Variants in FRMD8 observed in about 807,000 individuals in gnomAD.
FRMD8 encodes the protein FERM domain-containing protein 8.
Under a neutral mutation model 54.2 loss-of-function variants are expected in FRMD8, and 37 were observed. That is an observed-to-expected ratio of 0.68 (90% confidence interval 0.53 to 0.90). The LOEUF (loss-of-function observed/expected upper bound fraction) is 0.90. Among genes scored for constraint, FRMD8 ranks in the 40% least tolerant of loss-of-function variants. The pLI is 0.00. For missense variants in FRMD8, 585 were observed against 653.7 expected (o/e 0.89, Z 1.15); for synonymous variants, 246 against 286.9 (o/e 0.86, Z 1.44).
At chr11:65,405,122 A>AC (rs1205203135) in intron 10 of FRMD8, 54 bp downstream of exon 10, 67 of 1,545,070 alleles carry the variant, frequency 4.3e-5, no homozygotes, top group Non-Finnish European at 5.9e-5. Context: ...GCGTGCACAC[A>AC]CCGGGGGGAG....
At chr11:65,377,213 C>G in the FRMD8 span, 50 of 1,443,916 alleles carry the variant, frequency 3.5e-5, no homozygotes, top group African/African-American at 6.7e-4. Flanking sequence ...CCCAGCCTCT[C>G]ACGTGCATGT....
rs1590665277 is a variant in FRMD8, at chr11:65,412,994, T to A, written c.*1634T>A. The A allele has an allele frequency of 6.6e-6, 1 of 152,170 alleles. No individual in the cohort carries two copies. The highest frequency in any genetic ancestry group is 1.5e-5 in the Non-Finnish European group (1 of 68,082). 9.4% of individuals were successfully genotyped at this position (152,170 alleles called of 1,614,324 possible). On this transcript the variant is annotated 3_prime_UTR_variant, in exon 11 of 11. Coordinates refer to ENST00000317568, the MANE Select transcript of FRMD8 (RefSeq NM_031904.5). ...GCTTTGATTCCAGGTGATTTTATTT[T>A]TTTTATTTTTTTATTTTTTTTGAGA...
At chr11:65,406,395 C>T (rs1267821235) in intron 10 of FRMD8, among the ~76,000 whole-genome samples, 5 of 151,934 alleles carry the variant, frequency 3.3e-5, no homozygotes, top group African/African-American at 7.2e-5. Context: ...GGGGTTTCAC[C>T]GTGTTAGCCA....
At chr11:65,391,443 C>T (rs576945304) in intron 3 of FRMD8, among the ~76,000 whole-genome samples, 57 of 152,216 alleles carry the variant, frequency 3.7e-4, no homozygotes, top group Admixed American at 5.9e-4. Flanking sequence ...TCTCAGGCCA[C>T]GTGGTATTCT....
chr11:65,371,959 T>C, the FRMD8 span, among the ~76,000 whole-genome samples: 1 of 152,016 alleles, frequency 6.6e-6, no homozygotes, highest in Non-Finnish European at 1.5e-5. Context: ...TCACCTAGTC[T>C]GGAGTGCAGT....
At chr11:65,409,950 T>C (rs1480605657) in intron 10 of FRMD8, among the ~76,000 whole-genome samples, 1 of 151,794 alleles carries the variant, frequency 6.6e-6, no homozygotes, top group African/African-American at 2.4e-5. Flanking sequence ...GGCTCACACC[T>C]GTAGTCCCAG....
At chr11:65,373,420 A>G in the FRMD8 span, among the ~76,000 whole-genome samples, 3 of 152,142 alleles carry the variant, frequency 2.0e-5, no homozygotes, top group African/African-American at 7.2e-5. Flanking sequence ...AGGGCAGCAC[A>G]TTCCCACGAT....
chr11:65,377,357 C>A, the FRMD8 span: 1 of 1,303,934 alleles, frequency 7.7e-7, no homozygotes, highest in Non-Finnish European at 9.7e-7. Context: ...GCACTCAGAA[C>A]AAGCCTGGAT....
At chr11:65,380,556 T>C in the FRMD8 span, 13 of 1,329,354 alleles carry the variant, frequency 9.8e-6, no homozygotes, top group Non-Finnish European at 1.3e-5. Context: ...TTTACTCTTC[T>C]TTCTTCAACT....
rs1437864376 is a variant in FRMD8 at position 65,411,243 on chromosome 11, C to T, written c.1278C>T (p.Gly426=). 1 of 1,605,060 alleles carries T rather than the reference C, an allele frequency of 6.2e-7. No homozygotes were observed. Among genetic ancestry groups the T allele is most frequent in the Non-Finnish European group, 8.5e-7 (1 of 1,176,252 alleles). ...HLSTIDYVED[G]KGIRRVKPKR... The stretch of plus-strand genomic sequence containing the variant: ...GTGTGCCCTCCCATTCCCTCGCAGG[C>T]AAGGGGATCAGGCGAGTGAAGCCGA... Residue 426 remains glycine (G), a splice_region_variant and synonymous_variant, in exon 11 of 11, where the codon GGC becomes GGT. Transcript: ENST00000317568.
At chr11:65,376,889 G>A in the FRMD8 span, 1 of 1,614,068 alleles carries the variant, frequency 6.2e-7, no homozygotes, top group South Asian at 1.1e-5. Context: ...CCCCACCGTG[G>A]GGGTGTCCCT....
At chr11:65,389,301 GGCCTGGCCTGGCTGT>G in intron 2 of FRMD8, 45 bp from the exon 3 acceptor site, 1 of 1,563,138 alleles carries the variant, frequency 6.4e-7, no homozygotes, top group South Asian at 1.1e-5. Flanking sequence ...GTGCCTGGTT[GGCCTGGCCTGGCTGT>G]GCCAGGCAGA....
Position 65,396,901 on chromosome 11 carries a change from G to T in FRMD8, c.684G>T (p.Gln228His). 1.3e-6 allele frequency: 2 copies of T among 1,558,998 alleles called. No homozygotes were observed. Among genetic ancestry groups the T allele is most frequent in the East Asian group, 2.4e-5 (1 of 41,316 alleles). ...GGGCCAGGGCCGGGCCGGGCGAGCA[G>T]GGCCTGCTGAACGCCTACCGCCAGG... is the stretch of plus-strand genomic sequence containing the variant. Reference protein sequence around the residue: ...GRGARAGPGEQGLLNAYRQVQ... With the variant: ...GRGARAGPGEHGLLNAYRQVQ... The change falls in exon 7 of 11, where the codon CAG (glutamine) becomes CAT (histidine). Residue 228 changes from glutamine to histidine, a missense_variant. Transcript: ENST00000317568.
intron 10 of FRMD8, among the ~76,000 whole-genome samples, chr11:65,407,930 G>C (rs1395198979): frequency 6.6e-6 from 1 of 151,278 alleles, no homozygotes; most frequent in Non-Finnish European, 1.5e-5. Flanking sequence ...CATGTGTGCA[G>C]CCATGCGCAT....
At chr11:65,370,063 T>C in the FRMD8 span, among the ~76,000 whole-genome samples, 1 of 150,178 alleles carries the variant, frequency 6.7e-6, no homozygotes, top group African/African-American at 2.4e-5. Context: ...AAATAAAATA[T>C]AAATAAAAAT....
At chr11:65,408,096 C>T (rs1342822124) in intron 10 of FRMD8, among the ~76,000 whole-genome samples, 2 of 142,962 alleles carry the variant, frequency 1.4e-5, no homozygotes, top group African/African-American at 5.2e-5. Flanking sequence ...TTTTTGGAGA[C>T]GGAGTTTCAC....
At chr11:65,379,029 T>G in the FRMD8 span, 1 of 297,634 alleles carries the variant, frequency 3.4e-6, no homozygotes, top group Non-Finnish European at 6.4e-6. Context: ...GTGCTGGTGG[T>G]TCTCCAGGGT....
At position 65,404,439 on chromosome 11, in the gene FRMD8, C is replaced by T. The variant is rs1856145807; in HGVS notation, c.1072-425C>T. Among the ~76,000 whole-genome samples the T allele has an allele frequency of 6.6e-6, 1 of 152,156 alleles. No homozygotes were observed. Among genetic ancestry groups the T allele is most frequent in the Admixed American group, 6.5e-5 (1 of 15,292 alleles). On this transcript the variant is annotated intron_variant, in intron 9 of 10. Coordinates refer to ENST00000317568, the MANE Select transcript of FRMD8 (RefSeq NM_031904.5). This position sits in a 1 kb window ranked among gnomAD's most constrained non-coding sequence, Gnocchi z 4.7. ...AAGAACGTGCTGGCAGGGAGCCGCC[C>T]GCCCCTGCCCTGGTGACATCGCGCC...
chr11:65,389,649 T>A, intron 3 of FRMD8, 121 bp downstream of exon 3: 1 of 1,061,442 alleles, frequency 9.4e-7, no homozygotes, highest in Non-Finnish European at 1.3e-6. Context: ...TGGGGAAAGG[T>A]GGGACTTGGG....
Sources: gnomAD v4.1 joint callset for allele counts (sites outside exome capture counted in the v4.1 genomes callset) on GRCh38, gnomAD v4.1.1 for gene constraint, Gnocchi (gnomAD v3.1) non-coding constraint, MANE v1.5 for transcripts, NCBI Gene and HGNC (gene_info 2026-07-23, HGNC 2026-07-21) for gene names.